Variants in METTL2A observed in about 807,000 individuals in gnomAD.
The protein encoded by METTL2A is methyltransferase 2A, tRNA N3-cytidine, also known as tRNA N(3)-cytidine methyltransferase METTL2A.
In METTL2A, 45 loss-of-function variants were observed where a neutral mutation model predicts 49.4. That is an observed-to-expected ratio of 0.91 (90% confidence interval 0.72 to 1.17). The LOEUF is 1.17. Ranked by LOEUF, METTL2A falls within the 50% of genes most tolerant of loss-of-function variation. The pLI is 0.00. For synonymous variants in METTL2A, 118 were observed against 167.5 expected (o/e 0.70, Z 2.28); for missense variants, 361 against 462.2 (o/e 0.78, Z 2.01).
At chr17:62,438,097 G>C (rs2070713154) in intron 5 of METTL2A, among the ~76,000 whole-genome samples, 1 of 151,810 alleles carries the variant, frequency 6.6e-6, no homozygotes, top group African/African-American at 2.4e-5. Context: ...GTGAAACCCT[G>C]TCTCTACTTT....
chr17:62,426,494 C>T lies in METTL2A; in HGVS notation c.398C>T (p.Pro133Leu). ...VPECRNNEDG[P>L]GLIMEEQHKC... is the part of the protein sequence containing the mutation. ...GAATGTAGAAACAATGAGGATGGAC[C>T]TGGTTTAATAATGGAAGAACAGCAC... The change falls in exon 3 of 9, where the codon CCT (proline) becomes CTT (leucine). Residue 133 changes from proline to leucine, a missense_variant. Pro to Leu is a moderately conservative substitution (Grantham distance 98). Coordinates refer to ENST00000311506, the MANE Select transcript of METTL2A (RefSeq NM_181725.4). The T allele has an allele frequency of 6.2e-7, 1 of 1,613,660 alleles. No individual in the cohort carries two copies. The highest frequency in any genetic ancestry group is 8.5e-7 in the Non-Finnish European group (1 of 1,179,908).
chr17:62,425,873 C>A (rs1034884745), intron 2 of METTL2A, among the ~76,000 whole-genome samples: 4 of 151,348 alleles, frequency 2.6e-5, no homozygotes, highest in African/African-American at 9.7e-5. Context: ...TGGTGGCAGG[C>A]GCCTGTAGTC....
chr17:62,433,968 G>A (rs2070683681), intron 4 of METTL2A, among the ~76,000 whole-genome samples: 1 of 152,200 alleles, frequency 6.6e-6, no homozygotes, highest in South Asian at 2.1e-4. Context: ...GGGCTGAGGT[G>A]GGAGGATCAC....
chr17:62,438,878 A>G (rs898816022), intron 5 of METTL2A, among the ~76,000 whole-genome samples: 16 of 152,000 alleles, frequency 1.1e-4, no homozygotes, highest in African/African-American at 3.9e-4. Flanking sequence ...CGGTGGTACA[A>G]TCAAACTCAC....
chr17:62,427,370 G>A (rs2070635326), intron 3 of METTL2A, among the ~76,000 whole-genome samples: 1 of 152,160 alleles, frequency 6.6e-6, no homozygotes. Flanking sequence ...TTAATAAATA[G>A]TTGCTGTCTT....
In METTL2A at chr17:62,453,276, G is replaced by A. The variant is rs1238293622; in HGVS notation, c.*4547G>A. On this transcript the variant is annotated 3_prime_UTR_variant, in exon 9 of 9. Coordinates refer to ENST00000311506, the MANE Select transcript of METTL2A (RefSeq NM_181725.4). ...GACTCTGCAAGGGACTTTGCATAAC[G>A]TTTCATCCTCAGAATCGCTAATGAT... Among the ~76,000 whole-genome samples, 10 of 152,122 alleles carry A rather than the reference G, an allele frequency of 6.6e-5. No homozygotes were observed. Among genetic ancestry groups the A allele is most frequent in the African/African-American group, 2.2e-4 (9 of 41,422 alleles).
intron 3 of METTL2A, among the ~76,000 whole-genome samples, chr17:62,427,552 C>CT (rs1378642324): frequency 6.6e-6 from 1 of 152,140 alleles, no homozygotes; most frequent in Non-Finnish European, 1.5e-5. Context: ...AATCCTTGCC[C>CT]TTTTTTCTAG....
chr17:62,452,384 A>C lies in METTL2A; in HGVS notation c.*3655A>C, dbSNP rs1032622504. Among the ~76,000 whole-genome samples the C allele has an allele frequency of 6.6e-6, 1 of 152,166 alleles. No individual in the cohort carries two copies. The highest frequency in any genetic ancestry group is 2.4e-5 in the African/African-American group (1 of 41,438). The stretch of plus-strand genomic sequence containing the variant: ...GGGTTCTGCCACTGTAAAGTTAATA[A>C]GTATTTTGTAGGGAAGTGCTTTGAG... On this transcript the variant is annotated 3_prime_UTR_variant, in exon 9 of 9. Transcript: ENST00000311506.
intron 3 of METTL2A, 38 bp from the exon 4 acceptor site, chr17:62,427,750 G>C (rs1223704925): frequency 1.2e-6 from 2 of 1,610,344 alleles, no homozygotes; most frequent in South Asian, 2.2e-5. Flanking sequence ...AATTAACTCT[G>C]GAAAGTTCTG....
At chr17:62,432,887 TGCA>T (rs2070675928) in intron 4 of METTL2A, among the ~76,000 whole-genome samples, 1 of 32,786 alleles carries the variant, frequency 3.1e-5, no homozygotes. Context: ...TGGTTGGGGC[TGCA>T]GTGAGCCATG....
intron 3 of METTL2A, among the ~76,000 whole-genome samples, chr17:62,427,270 G>A (rs1168001162): frequency 6.6e-6 from 1 of 152,170 alleles, no homozygotes; most frequent in Non-Finnish European, 1.5e-5. Flanking sequence ...TCTGAGCAGT[G>A]AGACTGCTGC....
intron 5 of METTL2A, among the ~76,000 whole-genome samples, chr17:62,440,264 A>T (rs2050491786): frequency 6.6e-6 from 1 of 152,068 alleles, no homozygotes; most frequent in Non-Finnish European, 1.5e-5. Flanking sequence ...ATCTTAGGTG[A>T]TCCTCCCGCC....
At chr17:62,441,827 A>C (rs1230057546) in intron 6 of METTL2A, among the ~76,000 whole-genome samples, 1 of 143,022 alleles carries the variant, frequency 7.0e-6, no homozygotes, top group East Asian at 2.1e-4. Flanking sequence ...TGCAACCTCC[A>C]CCTCCCGGGT....
chr17:62,446,143 AAAAG>A (rs2070766931), intron 7 of METTL2A, among the ~76,000 whole-genome samples: 1 of 152,086 alleles, frequency 6.6e-6, no homozygotes. Context: ...TACTGGTAGA[AAAAG>A]AAATTGTTAC....
chr17:62,449,817 T>G lies in METTL2A; in HGVS notation c.*1088T>G, dbSNP rs946772902. ...AAAGAATTTGGCCGGGTGCGGCAGC[T>G]CATGCCTGTAATCCCAACACTTTGG... On this transcript the variant is annotated 3_prime_UTR_variant, in exon 9 of 9. Transcript: ENST00000311506. 6.3e-6 allele frequency: 1 copy of G among 159,948 alleles called. No homozygotes were observed. Among genetic ancestry groups the G allele is most frequent in the African/African-American group, 2.4e-5 (1 of 41,446 alleles). The allele number at this position is 159,948 out of a possible 1,614,324, so 9.9% of individuals were successfully genotyped here. A position where few individuals can be genotyped will look rare whatever the true frequency, so the allele number is the denominator to read the frequency against.
At chr17:62,425,890 A>C (rs2070621668) in intron 2 of METTL2A, among the ~76,000 whole-genome samples, 1 of 151,184 alleles carries the variant, frequency 6.6e-6, no homozygotes, top group African/African-American at 2.4e-5. Context: ...AGTCCCAGCT[A>C]CTCAGTAGGA....
chr17:62,444,725 G>C, intron 6 of METTL2A, 112 bp from the exon 7 acceptor site: 1 of 968,166 alleles, frequency 1.0e-6, no homozygotes, highest in Non-Finnish European at 1.6e-6. Context: ...TTAGATCTCA[G>C]ACTTGGTGTG....
chr17:62,425,775 TGGATCACG>T (rs2070620632), intron 2 of METTL2A, among the ~76,000 whole-genome samples: 1 of 146,480 alleles, frequency 6.8e-6, no homozygotes, highest in Non-Finnish European at 1.5e-5. Context: ...CCGAGGCGGG[TGGATCACG>T]AGGTCAGGAG....
chr17:62,439,533 A>G (rs1483557241), intron 5 of METTL2A, among the ~76,000 whole-genome samples: 2 of 152,044 alleles, frequency 1.3e-5, no homozygotes, highest in Non-Finnish European at 2.9e-5. Flanking sequence ...TCCCGGGTTC[A>G]CGCCATTCTC....
Sources: allele counts gnomAD v4.1 joint callset (sites outside exome capture counted in the v4.1 genomes callset), GRCh38; gene constraint gnomAD v4.1.1; transcripts MANE v1.5; gene names NCBI Gene and HGNC (gene_info 2026-07-23, HGNC 2026-07-21).